The following KDM2B variants were observed in gnomAD, a reference collection of about 807,000 sequenced individuals.
The protein encoded by KDM2B is lysine-specific demethylase 2B.
KDM2B carries 26 observed loss-of-function variants against 150.0 expected under a neutral mutation model. The ratio of observed to expected loss-of-function variants is 0.17; its 90% confidence interval spans 0.13 to 0.24. The LOEUF (loss-of-function observed/expected upper bound fraction) is 0.24, where lower values mean the gene tolerates loss of function less well. Among genes scored for constraint, KDM2B ranks in the 10% least tolerant of loss-of-function variants. The probability of loss-of-function intolerance (pLI) is 1.00; values close to 1 mark genes in which losing one functional copy is unlikely to be tolerated. For missense variants in KDM2B, 1,265 were observed against 1,816.9 expected, an observed-to-expected ratio of 0.70 and a Z score of 5.52; for synonymous variants, 734 against 729.5, an observed-to-expected ratio of 1.01 and a Z score of -0.10.
intron 8 of KDM2B, among the ~76,000 whole-genome samples, chr12:121,524,171 T>G (rs1886932763): frequency 6.6e-6 from 1 of 151,418 alleles, no homozygotes; most frequent in Non-Finnish European, 1.5e-5. Context: ...AAAGCCCAAG[T>G]CCAGGGGCTA....
chr12:121,463,835 T>C (rs1879448429), intron 12 of KDM2B, among the ~76,000 whole-genome samples: 2 of 151,754 alleles, frequency 1.3e-5, no homozygotes, highest in Admixed American at 6.6e-5. Flanking sequence ...TGCCTCAGCC[T>C]CCCATAAGTG....
chr12:121,418,646 G>C, the KDM2B span: 1 of 152,212 alleles, frequency 6.6e-6, no homozygotes, highest in African/African-American at 2.4e-5. Flanking sequence ...TTTAGTTCAG[G>C]AGTACGAGGC....
rs373223691 is a variant in KDM2B, at chr12:121,442,486, C to G, written c.2955G>C (p.Lys985Asn). The G allele has an allele frequency of 1.7e-5, 27 of 1,599,520 alleles. No individual in the cohort carries two copies. Reference sequence around the variant, plus strand: ...GACGCTCGCAGATGCCCGGGGGCCGCTTGGGCTCCTCGCCCTCGCTCTCAG... The same window carrying G: ...GACGCTCGCAGATGCCCGGGGGCCGGTTGGGCTCCTCGCCCTCGCTCTCAG... ...SEPESEGEEP[K>N]RPPGICERPH... Residue 985 changes from lysine to asparagine, a missense_variant, in exon 19 of 23, where the codon AAG becomes AAC. By Grantham distance (94) the Lys-to-Asn change is moderately conservative. Around this residue, in one of 11 missense-constraint regions of KDM2B, gnomAD observed 418 missense variants for 402.4 expected, o/e 1.04. Transcript: ENST00000377071. The surrounding 1 kb of genome is among the most constrained non-coding windows in gnomAD (Gnocchi z 7.7).
At chr12:121,574,501 T>C (rs1411247401) in intron 4 of KDM2B, 46 bp downstream of exon 4, 1 of 1,594,836 alleles carries the variant, frequency 6.3e-7, no homozygotes, top group African/African-American at 1.3e-5. Flanking sequence ...TCTTTCCCCT[T>C]CCCTACTTCA....
At chr12:121,473,720 C>CAAA (rs34681676) in intron 12 of KDM2B, among the ~76,000 whole-genome samples, 66,521 of 121,998 alleles carry the variant, frequency 0.55, 18,717 homozygotes, top group Middle Eastern at 0.65. Context: ...ACTCCCAACT[C>CAAA]AAAAAAAAAA....
chr12:121,539,932 G>T (rs1373788092), intron 6 of KDM2B, among the ~76,000 whole-genome samples: 5 of 152,176 alleles, frequency 3.3e-5, no homozygotes, highest in East Asian at 1.9e-4. Context: ...TACAGATGGG[G>T]TTTTGCTGTA....
intron 14 of KDM2B, 32 bp from the exon 15 acceptor site, chr12:121,444,568 CG>C: frequency 6.3e-7 from 1 of 1,597,218 alleles, no homozygotes; most frequent in South Asian, 1.1e-5. Flanking sequence ...AGAAGAGGGA[CG>C]GGCGGAGAAG....
chr12:121,421,321 G>A, the KDM2B span, among the ~76,000 whole-genome samples: 1 of 138,106 alleles, frequency 7.2e-6, no homozygotes, highest in African/African-American at 2.8e-5. Flanking sequence ...AGGATCACTT[G>A]AGCCCAGGAG....
At chr12:121,447,044 A>C (rs1876394604) in intron 13 of KDM2B, among the ~76,000 whole-genome samples, 1 of 152,136 alleles carries the variant, frequency 6.6e-6, no homozygotes, top group African/African-American at 2.4e-5. Context: ...CAGACTCCAC[A>C]TTGCAACTAA....
chr12:121,430,056 T>G lies in KDM2B; in HGVS notation c.*232A>C, dbSNP rs782804951. 1 of 1,435,424 alleles carries G rather than the reference T, an allele frequency of 7.0e-7. No homozygotes were observed. Among genetic ancestry groups the G allele is most frequent in the Non-Finnish European group, 9.8e-7 (1 of 1,017,104 alleles). 88.9% of individuals were successfully genotyped at this position (1,435,424 alleles called of 1,614,324 possible). A position where few individuals can be genotyped will look rare whatever the true frequency, so the allele number is the denominator to read the frequency against. On this transcript the variant is annotated 3_prime_UTR_variant, in exon 23 of 23. Coordinates refer to ENST00000377071, the MANE Select transcript of KDM2B (RefSeq NM_032590.5). This position sits in a 1 kb window ranked among gnomAD's most constrained non-coding sequence, Gnocchi z 4.4. ...GAATGTCTTCTTGTAAAGGCCGCCT[T>G]AGAAATGGTCCAGAAAGCAGTGCAG...
chr12:121,517,609 C>T lies in KDM2B; in HGVS notation c.1047+3376G>A, dbSNP rs373463864. 1.3e-4 allele frequency among the ~76,000 whole-genome samples: 20 copies of T among 152,068 alleles called. No individual in the cohort carries two copies. The East Asian group carries it at 3.1e-3, about 24-fold the overall frequency. On this transcript the variant is annotated intron_variant, in intron 9 of 22. Transcript: ENST00000377071. ...TCAACCTCCCGATTAGCTGGGACTA[C>T]AGGCATGAACCACCATGCCTGGCTA...
chr12:121,560,436 T>C (rs1461938115), intron 4 of KDM2B, among the ~76,000 whole-genome samples: 1 of 151,970 alleles, frequency 6.6e-6, no homozygotes, highest in Non-Finnish European at 1.5e-5. Flanking sequence ...CAAATACACA[T>C]AAATAAAAAC....
intron 6 of KDM2B, among the ~76,000 whole-genome samples, chr12:121,538,243 T>C (rs1161303730): frequency 6.6e-6 from 1 of 151,114 alleles, no homozygotes. Flanking sequence ...CCGGTGGGGG[T>C]GCAGGGCTGG....
chr12:121,560,993 C>T (rs1185828001), intron 4 of KDM2B, among the ~76,000 whole-genome samples: 1 of 152,178 alleles, frequency 6.6e-6, no homozygotes. Context: ...AAATTTTCCA[C>T]ATGGGGCAGT....
intron 6 of KDM2B, among the ~76,000 whole-genome samples, chr12:121,546,476 G>A (rs1298183819): frequency 7.5e-6 from 1 of 132,998 alleles, no homozygotes; most frequent in Non-Finnish European, 1.5e-5. Context: ...TCCACCTCCT[G>A]GGTTCACATC....
Position 121,562,243 on chromosome 12 carries a change from G to A in KDM2B, c.397+12304C>T, listed in dbSNP as rs530285656. ...CACGCCTGTAATCCCAGCTCTTTGG[G>A]AGGCCAAGGCGAACAGATCACCTGA... On this transcript the variant is annotated intron_variant, in intron 4 of 22. Coordinates refer to ENST00000377071, the MANE Select transcript of KDM2B (RefSeq NM_032590.5). Among the ~76,000 whole-genome samples, 5 of 151,436 alleles carry A rather than the reference G, an allele frequency of 3.3e-5. No individual in the cohort carries two copies. In the East Asian group the frequency reaches 9.7e-4, roughly 29 times the overall value.
intron 13 of KDM2B, among the ~76,000 whole-genome samples, chr12:121,445,956 GT>G (rs1876094675): frequency 6.6e-6 from 1 of 152,236 alleles, no homozygotes; most frequent in Non-Finnish European, 1.5e-5. Context: ...GGTCAGAACT[GT>G]CTTCAGAATA....
At chr12:121,415,297 C>T in the KDM2B span, 4 of 380,690 alleles carry the variant, frequency 1.1e-5, no homozygotes, top group Admixed American at 2.5e-5. Flanking sequence ...ATTACAAATG[C>T]GAAAACAGAG....
At chr12:121,517,913 A>G (rs1428140137) in intron 9 of KDM2B, among the ~76,000 whole-genome samples, 1 of 149,308 alleles carries the variant, frequency 6.7e-6, no homozygotes, top group Non-Finnish European at 1.5e-5. Context: ...GAGGGGGGGG[A>G]TGGAGTTTCG....
Sources: allele counts gnomAD v4.1 joint callset (sites outside exome capture counted in the v4.1 genomes callset), GRCh38; gene constraint gnomAD v4.1.1; regional missense constraint gnomAD v4.1.1; non-coding constraint Gnocchi (gnomAD v3.1); transcripts MANE v1.5; gene names NCBI Gene and HGNC (gene_info 2026-07-23, HGNC 2026-07-21).